COL18A1: variants seen among roughly 807,000 people sequenced by gnomAD.
COL18A1 encodes the protein collagen alpha-1(XVIII) chain.
Under a neutral mutation model 168.0 loss-of-function variants are expected in COL18A1, and 133 were observed. The observed-to-expected ratio is 0.79, with a 90% CI of 0.69 to 0.91. COL18A1 has a LOEUF of 0.91. Among genes scored for constraint, COL18A1 ranks in the 40% least tolerant of loss-of-function variants. COL18A1 has a pLI of 0.00. For missense variants in COL18A1, 2,126 were observed against 1,925.4 expected, an observed-to-expected ratio of 1.10 and a Z score of -1.95; for synonymous variants, 949 against 809.0, an observed-to-expected ratio of 1.17 and a Z score of -2.94.
chr21:45,484,419 A>T (rs989837462), intron 15 of COL18A1, among the ~76,000 whole-genome samples: 16 of 137,496 alleles, frequency 1.2e-4, no homozygotes, highest in African/African-American at 4.6e-4. Flanking sequence ...ACACCTCTCC[A>T]GCATATGTGA....
rs755671130 is a variant in COL18A1, at chr21:45,510,254, A to G, written c.3686A>G (p.Asn1229Ser). ...RADRAAVPIV[N>S]LKDELLFPSW... ...GACCGCGCAGCCGTGCCCATCGTCA[A>G]CCTCAAGGTGGGTCAGTCCAGTCCT... is the stretch of plus-strand genomic sequence containing the variant. Residue 1229 changes from asparagine (N) to serine (S), a missense_variant, in exon 40 of 42, where the codon AAC becomes AGC. Physicochemically the swap from Asn to Ser is conservative, Grantham distance 46 (BLOSUM62 1). Coordinates refer to ENST00000651438, the MANE Select transcript of COL18A1 (RefSeq NM_001379500.1). The G allele has an allele frequency of 3.4e-5, 55 of 1,604,224 alleles. No homozygotes were observed. The highest frequency in any genetic ancestry group is 1.2e-4 in the African/African-American group (9 of 74,642).
chr21:45,505,401 GCCCCCT>G lies in COL18A1; in HGVS notation c.3058_3063del (p.Pro1020_Pro1021del). The G allele has an allele frequency of 6.3e-7, 1 of 1,583,998 alleles. No homozygotes were observed. Among genetic ancestry groups the G allele is most frequent in the Admixed American group, 1.7e-5 (1 of 58,496 alleles). ...CTCCGGGCCCCCCTGGGCCCCCTGGGCCCCCTGGAACCATGGGCGCCTCCTCAGGGG... is the reference window on the plus strand; with the variant it reads ...CTCCGGGCCCCCCTGGGCCCCCTGGGGGAACCATGGGCGCCTCCTCAGGGG... On this transcript the variant is annotated inframe_deletion, in exon 36 of 42. Transcript: ENST00000651438.
chr21:45,437,754 AC>A (rs1212390133), intron 2 of COL18A1, among the ~76,000 whole-genome samples: 1 of 80,532 alleles, frequency 1.2e-5, no homozygotes, highest in Non-Finnish European at 2.2e-5. Context: ...ACACTCAGAC[AC>A]AGGCACTCTC....
chr21:45,478,151 C>A, intron 8 of COL18A1, 176 bp from the exon 9 acceptor site: 1 of 867,698 alleles, frequency 1.2e-6, no homozygotes, highest in Non-Finnish European at 1.9e-6. Context: ...GGCGGAGCTG[C>A]TCAGACACAG....
chr21:45,506,370 T>A (rs1602625031), intron 37 of COL18A1: 1 of 351,508 alleles, frequency 2.8e-6, no homozygotes, highest in East Asian at 7.4e-5. Flanking sequence ...GGCTGTCCCG[T>A]GGCTCTGCAC....
intron 2 of COL18A1, among the ~76,000 whole-genome samples, chr21:45,452,295 C>T (rs1484246160): frequency 6.6e-6 from 1 of 152,250 alleles, no homozygotes; most frequent in Non-Finnish European, 1.5e-5. Context: ...AGTGTGCTTG[C>T]CTGTGTGCGT....
chr21:45,464,962 T>G (rs1057125699), intron 2 of COL18A1, among the ~76,000 whole-genome samples: 1 of 152,362 alleles, frequency 6.6e-6, no homozygotes, highest in Non-Finnish European at 1.5e-5. Context: ...TGTGCACGGC[T>G]GCACATGTGT....
At chr21:45,455,170 G>T (rs536093092) in intron 2 of COL18A1, among the ~76,000 whole-genome samples, 3 of 152,330 alleles carry the variant, frequency 2.0e-5, no homozygotes, top group African/African-American at 7.2e-5. Context: ...TCTGGGATGG[G>T]GTCCTGGCTT....
chr21:45,431,131 C>T (rs1254159562), intron 2 of COL18A1, among the ~76,000 whole-genome samples: 2 of 152,112 alleles, frequency 1.3e-5, no homozygotes, highest in Admixed American at 1.3e-4. Context: ...CCATTCATAG[C>T]GGCTTATCTG....
Position 45,510,272 on chromosome 21 carries a change from C to A in COL18A1, c.3693+11C>A. The A allele has an allele frequency of 6.3e-7, 1 of 1,597,532 alleles. No homozygotes were observed. Among genetic ancestry groups the A allele is most frequent in the Admixed American group, 1.7e-5 (1 of 58,132 alleles). On this transcript the variant is annotated intron_variant, in intron 40 of 41. Coordinates refer to ENST00000651438, the MANE Select transcript of COL18A1 (RefSeq NM_001379500.1). ...ATCGTCAACCTCAAGGTGGGTCAGT[C>A]CAGTCCTGAGGGCGCGGGCTCCTCG...
chr21:45,472,747 C>T lies in COL18A1; in HGVS notation c.652-1148C>T, dbSNP rs370586872. Reference sequence around the variant, plus strand: ...TGGTGCGCTCTGTGAGGCTGAGAACCGCTGGTGCGTTTTGTGGGAAACCTG... The same window carrying T: ...TGGTGCGCTCTGTGAGGCTGAGAACTGCTGGTGCGTTTTGTGGGAAACCTG... On this transcript the variant is annotated intron_variant, in intron 3 of 41. Coordinates refer to ENST00000651438, the MANE Select transcript of COL18A1 (RefSeq NM_001379500.1). Among the ~76,000 whole-genome samples, 8 of 152,304 alleles carry T rather than the reference C, an allele frequency of 5.3e-5. No individual in the cohort carries two copies. The South Asian group carries it at 1.2e-3, about 24-fold the overall frequency.
rs1602618999 is a variant in COL18A1, at chr21:45,505,657, G to A, written c.3088-181G>A. ...CCAGGGCCTGTACATTGTCCACGGA[G>A]GCGCAGGAGCTGGCGGCAGGCAGGG... On this transcript the variant is annotated intron_variant, in intron 36 of 41. Transcript: ENST00000651438. Among the ~76,000 whole-genome samples, 2 of 152,178 alleles carry A rather than the reference G, an allele frequency of 1.3e-5. 1 individual carries two copies. Among genetic ancestry groups the A allele is most frequent in the African/African-American group, 4.8e-5 (2 of 41,436 alleles).
intron 2 of COL18A1, among the ~76,000 whole-genome samples, chr21:45,439,131 C>G (rs950935086): frequency 6.6e-6 from 1 of 152,246 alleles, no homozygotes; most frequent in African/African-American, 2.4e-5. Context: ...CTACACTTAA[C>G]GTTTTTTAAT....
At position 45,443,010 on chromosome 21, in the gene COL18A1, GAT is replaced by G. The variant is rs2034419738; in HGVS notation, c.107-25231_107-25230del. Among the ~76,000 whole-genome samples, 1 of 145,290 alleles carries G rather than the reference GAT, an allele frequency of 6.9e-6. No individual in the cohort carries two copies. Among genetic ancestry groups the G allele is most frequent in the African/African-American group, 2.7e-5 (1 of 37,700 alleles). ...CGGTGCTGGTGTGGGCGGCGGTGCT[GAT>G]GTGGGTGGTGGTGGTGCTGATGTGG... On this transcript the variant is annotated intron_variant, in intron 2 of 41. Coordinates refer to ENST00000651438, the MANE Select transcript of COL18A1 (RefSeq NM_001379500.1). The surrounding 1 kb of genome is among the most constrained non-coding windows in gnomAD (Gnocchi z 5.2).
At chr21:45,413,104 G>A (rs997289167) in intron 2 of COL18A1, among the ~76,000 whole-genome samples, 1 of 152,194 alleles carries the variant, frequency 6.6e-6, no homozygotes, top group Non-Finnish European at 1.5e-5. Context: ...AGGCCAGCCG[G>A]TCCTGAGGCT....
chr21:45,463,253 C>T lies in COL18A1; in HGVS notation c.107-4989C>T, dbSNP rs556634610. On this transcript the variant is annotated intron_variant, in intron 2 of 41. Coordinates refer to ENST00000651438, the MANE Select transcript of COL18A1 (RefSeq NM_001379500.1). The surrounding 1 kb of genome is among the most constrained non-coding windows in gnomAD (Gnocchi z 4.0). ...GCAACCTGATCAGAGCACAGGTTCT[C>T]GATGTCTGCAGGACAGGGTCCTTTT... Among the ~76,000 whole-genome samples, 3 of 152,330 alleles carry T rather than the reference C, an allele frequency of 2.0e-5. No homozygotes were observed. The highest frequency in any genetic ancestry group is 1.9e-4 in the East Asian group (1 of 5,188).
chr21:45,410,460 C>A (rs2033256889), intron 2 of COL18A1, among the ~76,000 whole-genome samples: 2 of 152,162 alleles, frequency 1.3e-5, no homozygotes. Context: ...CAGACAGACA[C>A]TGGGCCAGAG....
At chr21:45,483,391 C>T (rs2035966968) in intron 15 of COL18A1, among the ~76,000 whole-genome samples, 1 of 152,206 alleles carries the variant, frequency 6.6e-6, no homozygotes, top group Admixed American at 6.5e-5. Context: ...AGCTGCTCTC[C>T]ATGGACCCAG....
intron 13 of COL18A1, 67 bp downstream of exon 13, chr21:45,480,925 C>A: frequency 6.5e-7 from 1 of 1,541,618 alleles, no homozygotes; most frequent in Non-Finnish European, 8.7e-7. Flanking sequence ...GAACACCCCA[C>A]ATGGGAGCCC....
Sources: gnomAD v4.1 joint callset for allele counts (sites outside exome capture counted in the v4.1 genomes callset) on GRCh38, gnomAD v4.1.1 for gene constraint, Gnocchi (gnomAD v3.1) non-coding constraint, MANE v1.5 for transcripts, NCBI Gene and HGNC (gene_info 2026-07-23, HGNC 2026-07-21) for gene names.